Variants in RNLS observed in about 807,000 individuals in gnomAD.
RNLS encodes renalase.
In RNLS, 39 loss-of-function variants were observed where a neutral mutation model predicts 39.8. The ratio of observed to expected loss-of-function variants is 0.98; its 90% CI spans 0.76 to 1.28. The LOEUF (loss-of-function observed/expected upper bound fraction) is 1.28. Ranked by LOEUF, RNLS falls within the 50% of genes most tolerant of loss-of-function variation. The pLI, the probability that RNLS is intolerant of heterozygous loss-of-function variation, is 0.00. For synonymous variants in RNLS, 147 were observed against 150.7 expected (o/e 0.98, Z 0.18); for missense variants, 410 against 413.3 (o/e 0.99, Z 0.07).
the RNLS span, among the ~76,000 whole-genome samples, chr10:88,261,838 C>T: frequency 1.3e-5 from 2 of 152,192 alleles, no homozygotes; most frequent in African/African-American, 4.8e-5. Context: ...AAAAACCAAA[C>T]TACAATGTGA....
rs1281959148 is a variant in RNLS at position 88,285,373 on chromosome 10, G to A, written c.1010C>T (p.Ala337Val). 4 of 1,611,688 alleles carry A rather than the reference G, an allele frequency of 2.5e-6. No individual in the cohort carries two copies. Among genetic ancestry groups the A allele is most frequent in the Non-Finnish European group, 3.4e-6 (4 of 1,178,470 alleles). Residue 337 changes from alanine to valine, a missense_variant, in exon 7 of 7, where the codon GCT (alanine) becomes GTT (valine). By Grantham distance (64) the Ala-to-Val change is moderately conservative. Transcript: ENST00000331772. The stretch of plus-strand genomic sequence containing the variant: ...TAGGCACTAAATATAATTCTTTAAA[G>A]CTTCCAGAACACATAGGGCAGAAGT... ...CITSALCVLE[A>V]LKNYI is the part of the protein sequence containing the mutation.
chr10:88,535,635 A>G (rs1847711564), intron 4 of RNLS, among the ~76,000 whole-genome samples: 1 of 152,188 alleles, frequency 6.6e-6, no homozygotes, highest in Non-Finnish European at 1.5e-5. Flanking sequence ...AGTAGGACTC[A>G]TTACTGATAA....
intron 4 of RNLS, among the ~76,000 whole-genome samples, chr10:88,395,206 A>T (rs537763985): frequency 5.6e-4 from 82 of 146,270 alleles, no homozygotes; most frequent in Non-Finnish European, 7.9e-4. Context: ...TAATAAAATT[A>T]AAAAAAAAGT....
the RNLS span, among the ~76,000 whole-genome samples, chr10:88,222,817 T>TCTG: frequency 6.6e-6 from 1 of 152,200 alleles, no homozygotes; most frequent in South Asian, 2.1e-4. Flanking sequence ...TTTGGATTCA[T>TCTG]CTGCTGCTGA....
chr10:88,325,717 C>A (rs1434718932), intron 5 of RNLS, among the ~76,000 whole-genome samples: 1 of 152,158 alleles, frequency 6.6e-6, no homozygotes, highest in Non-Finnish European at 1.5e-5. Context: ...AAAATAAATT[C>A]TATCTCAATT....
At chr10:88,219,741 T>A in the RNLS span, among the ~76,000 whole-genome samples, 3 of 152,230 alleles carry the variant, frequency 2.0e-5, no homozygotes, top group African/African-American at 7.2e-5. Context: ...TACCATTCAG[T>A]GTCTGTGACT....
intron 4 of RNLS, among the ~76,000 whole-genome samples, chr10:88,544,360 T>C (rs1186526847): frequency 6.6e-6 from 1 of 152,190 alleles, no homozygotes; most frequent in African/African-American, 2.4e-5. Flanking sequence ...CAGAGATAAA[T>C]GCACTCTTCC....
intron 5 of RNLS, among the ~76,000 whole-genome samples, chr10:88,345,779 C>T (rs1461788057): frequency 6.6e-6 from 1 of 152,060 alleles, no homozygotes; most frequent in Non-Finnish European, 1.5e-5. Flanking sequence ...TAATCATGAT[C>T]ACAGAGCTAT....
intron 4 of RNLS, among the ~76,000 whole-genome samples, chr10:88,490,679 A>C (rs1844824524): frequency 6.6e-6 from 1 of 152,196 alleles, no homozygotes; most frequent in Non-Finnish European, 1.5e-5. Flanking sequence ...CCAGTTCCAA[A>C]CATCAATTTC....
chr10:88,419,050 C>T (rs1854216465), intron 4 of RNLS, among the ~76,000 whole-genome samples: 1 of 152,194 alleles, frequency 6.6e-6, no homozygotes, highest in South Asian at 2.1e-4. Flanking sequence ...AACCACTCCA[C>T]TGGCCAACCT....
downstream of RNLS, among the ~76,000 whole-genome samples, chr10:88,272,058 A>C (rs11202698): frequency 3.5e-4 from 53 of 152,356 alleles, no homozygotes; most frequent in Admixed American, 5.9e-4. Flanking sequence ...CCAGTGAGTC[A>C]AATTCCCAGA....
intron 5 of RNLS, among the ~76,000 whole-genome samples, chr10:88,347,498 C>T (rs191553241): frequency 6.6e-6 from 1 of 152,192 alleles, no homozygotes; most frequent in Admixed American, 6.5e-5. Context: ...ATTTAGGCAG[C>T]AGACTAAATT....
the RNLS span, among the ~76,000 whole-genome samples, chr10:88,247,814 A>G: frequency 6.6e-6 from 1 of 152,178 alleles, no homozygotes; most frequent in Admixed American, 6.5e-5. Context: ...TGTTGAAGAG[A>G]GAGGCAGAAG....
the RNLS span, chr10:88,259,257 A>G: frequency 6.6e-6 from 1 of 152,232 alleles, no homozygotes; most frequent in Non-Finnish European, 1.5e-5. Flanking sequence ...TCTCACTCCT[A>G]TCTGAGTGAG....
chr10:88,232,821 C>T, the RNLS span, among the ~76,000 whole-genome samples: 56 of 150,254 alleles, frequency 3.7e-4, no homozygotes, highest in Non-Finnish European at 4.8e-4. Context: ...TTCTAAGTCT[C>T]AGGCTCAAGT....
intron 6 of RNLS, among the ~76,000 whole-genome samples, chr10:88,303,684 ACAGCCTTGATGGGCACAAAACCAGC>A (rs1216016417): frequency 6.6e-6 from 1 of 152,146 alleles, no homozygotes; most frequent in Non-Finnish European, 1.5e-5. Flanking sequence ...ACCATTGCAG[ACAGCCTTGATGGGCACAAAACCAGC>A]CAGCCTTACC....
chr10:88,196,079 G>A, the RNLS span, among the ~76,000 whole-genome samples: 1 of 152,166 alleles, frequency 6.6e-6, no homozygotes. Flanking sequence ...GCAAAGGTTT[G>A]CATTTTTCAC....
chr10:88,218,018 C>T, the RNLS span, among the ~76,000 whole-genome samples: 1 of 151,910 alleles, frequency 6.6e-6, no homozygotes, highest in African/African-American at 2.4e-5. Context: ...CCAGCCTGGG[C>T]AACAAGAGCA....
intron 5 of RNLS, among the ~76,000 whole-genome samples, chr10:88,352,967 G>A (rs889851045): frequency 6.6e-6 from 1 of 152,194 alleles, no homozygotes; most frequent in Non-Finnish European, 1.5e-5. Flanking sequence ...ATTTCTTCTA[G>A]ATTTTATAGT....
Sources: gnomAD v4.1 joint callset for allele counts (sites outside exome capture counted in the v4.1 genomes callset) on GRCh38, gnomAD v4.1.1 for gene constraint, MANE v1.5 for transcripts, NCBI Gene and HGNC (gene_info 2026-07-23, HGNC 2026-07-21) for gene names.